CSMD1: variants seen among roughly 807,000 people sequenced by gnomAD.
CSMD1 encodes CUB and sushi domain-containing protein 1.
Under a neutral mutation model 417.5 loss-of-function variants are expected in CSMD1, and 213 were observed. That is an observed-to-expected ratio of 0.51 (90% CI 0.46 to 0.57). The LOEUF (loss-of-function observed/expected upper bound fraction) is 0.57. Among genes scored for constraint, CSMD1 ranks in the 20% least tolerant of loss-of-function variants. The probability of loss-of-function intolerance (pLI) is 0.00; values close to 1 mark genes in which losing one functional copy is unlikely to be tolerated. For synonymous variants in CSMD1, 2,862 were observed against 1,736.8 expected, an observed-to-expected ratio of 1.65 and a Z score of -16.11; for missense variants, 6,923 against 4,529.7, an observed-to-expected ratio of 1.53 and a Z score of -15.17.
chr8:2,960,341 C>T (rs575783128), intron 62 of CSMD1, among the ~76,000 whole-genome samples: 296 of 152,250 alleles, frequency 1.9e-3, no homozygotes, highest in Non-Finnish European at 3.5e-3. Flanking sequence ...TGTGTCCGAG[C>T]GAGAACAATG....
rs753420644 is a variant in CSMD1 at position 4,637,445 on chromosome 8, G to A, written c.199C>T (p.Arg67Cys). ...NCTWIIITGE[R>C]NRIQLSFHTF... ...TGGAAGGACAACTGTATCCTATTGC[G>A]CTCGCCCGTGATGATGATCCAGGTG... The change falls in exon 2 of 70, where the codon CGC (arginine) becomes TGC (cysteine). Residue 67 changes from arginine to cysteine, a missense_variant. Transcript: ENST00000635120. 2.0e-5 allele frequency: 32 copies of A among 1,613,560 alleles called. No homozygotes were observed. Among genetic ancestry groups the A allele is most frequent in the African/African-American group, 4.0e-5 (3 of 74,832 alleles).
intron 25 of CSMD1, among the ~76,000 whole-genome samples, chr8:3,302,779 T>C (rs12677703): frequency 0.038 from 5,752 of 152,292 alleles, 233 homozygotes; most frequent in Admixed American, 0.11. Context: ...TCATGCACTT[T>C]CTCACAGTTT....
chr8:4,944,772 G>C (rs924097947), intron 1 of CSMD1, among the ~76,000 whole-genome samples: 2 of 151,980 alleles, frequency 1.3e-5, no homozygotes, highest in East Asian at 1.9e-4. Context: ...GGATGTAAAG[G>C]GATGGCAAAC....
At chr8:4,092,816 T>C (rs544904916) in intron 3 of CSMD1, among the ~76,000 whole-genome samples, 2 of 152,322 alleles carry the variant, frequency 1.3e-5, no homozygotes, top group Admixed American at 1.3e-4. Context: ...CCAATATTTT[T>C]AATTTGTTTT....
chr8:4,676,214 T>C (rs1805671125), intron 1 of CSMD1, among the ~76,000 whole-genome samples: 1 of 152,204 alleles, frequency 6.6e-6, no homozygotes, highest in Non-Finnish European at 1.5e-5. Flanking sequence ...TTTGTGGTAC[T>C]TGGGATTGAA....
intron 54 of CSMD1, among the ~76,000 whole-genome samples, chr8:2,990,256 G>A (rs1024065825): frequency 5.9e-5 from 9 of 152,144 alleles, no homozygotes; most frequent in African/African-American, 1.9e-4. Context: ...CGCCATTCCG[G>A]TCCTCATAGT....
intron 3 of CSMD1, among the ~76,000 whole-genome samples, chr8:4,295,210 TTTTC>T (rs1367032030): frequency 0.016 from 596 of 36,128 alleles, 36 homozygotes; most frequent in Non-Finnish European, 0.032. Flanking sequence ...AATCTTAAGA[TTTTC>T]TATATAATCT....
intron 5 of CSMD1, among the ~76,000 whole-genome samples, chr8:3,964,927 G>A (rs932604446): frequency 1.3e-5 from 2 of 152,096 alleles, no homozygotes; most frequent in African/African-American, 4.8e-5. Flanking sequence ...TTAAATATTT[G>A]TCTTCATTTT....
intron 5 of CSMD1, among the ~76,000 whole-genome samples, chr8:3,997,325 CT>C (rs1040534549): frequency 1.3e-5 from 2 of 152,162 alleles, no homozygotes; most frequent in African/African-American, 4.8e-5. Flanking sequence ...TCTTGTTTTC[CT>C]TTGTCTCTAC....
chr8:4,114,708 G>C (rs10106149), intron 3 of CSMD1, among the ~76,000 whole-genome samples: 50,929 of 152,048 alleles, frequency 0.33, 8,876 homozygotes, highest in East Asian at 0.56. Flanking sequence ...ATTTCAAAAT[G>C]AATAGGAGTT....
At chr8:3,920,292 C>T (rs1227018368) in intron 5 of CSMD1, among the ~76,000 whole-genome samples, 3 of 152,016 alleles carry the variant, frequency 2.0e-5, no homozygotes, top group Non-Finnish European at 2.9e-5. Context: ...ACTTCAACCT[C>T]CCAAAGTGCT....
intron 6 of CSMD1, among the ~76,000 whole-genome samples, chr8:3,731,526 G>A (rs1050282455): frequency 3.3e-5 from 5 of 152,152 alleles, no homozygotes; most frequent in African/African-American, 1.2e-4. Context: ...TTGACCCAGT[G>A]CAGCCAGTAT....
chr8:4,681,922 T>C (rs1389170785), intron 1 of CSMD1, among the ~76,000 whole-genome samples: 1 of 152,218 alleles, frequency 6.6e-6, no homozygotes, highest in Non-Finnish European at 1.5e-5. Context: ...TCGTGCTTGG[T>C]CACTAGGAAG....
At chr8:4,070,013 T>C (rs1404338045) in intron 3 of CSMD1, among the ~76,000 whole-genome samples, 1 of 152,212 alleles carries the variant, frequency 6.6e-6, no homozygotes, top group African/African-American at 2.4e-5. Context: ...TCAATGTTCT[T>C]AAGAATTTTT....
intron 3 of CSMD1, among the ~76,000 whole-genome samples, chr8:4,134,203 G>T (rs1369018411): frequency 6.6e-6 from 1 of 152,152 alleles, no homozygotes; most frequent in Non-Finnish European, 1.5e-5. Context: ...GAAAGTCACT[G>T]TCCTTACACG....
At chr8:3,562,417 A>ACACGTACACACATGCATAC (rs1554470709) in intron 10 of CSMD1, among the ~76,000 whole-genome samples, 2 of 145,446 alleles carry the variant, frequency 1.4e-5, no homozygotes, top group East Asian at 2.0e-4. Context: ...CACATGCACA[A>ACACGTACACACATGCATAC]ACACACATGC....
At chr8:3,470,569 C>T (rs759637416) in intron 11 of CSMD1, among the ~76,000 whole-genome samples, 5 of 152,018 alleles carry the variant, frequency 3.3e-5, no homozygotes, top group Non-Finnish European at 5.9e-5. Flanking sequence ...TGCACAAATA[C>T]GTCACATGTC....
intron 1 of CSMD1, among the ~76,000 whole-genome samples, chr8:4,741,710 T>C (rs1426442902): frequency 1.3e-5 from 2 of 152,116 alleles, no homozygotes; most frequent in African/African-American, 4.8e-5. Flanking sequence ...TACTCCAGGT[T>C]CCCACATCCC....
chr8:4,417,875 G>A (rs564666130), intron 3 of CSMD1, among the ~76,000 whole-genome samples: 1 of 151,958 alleles, frequency 6.6e-6, no homozygotes, highest in East Asian at 1.9e-4. Context: ...ACATTTCCTT[G>A]GAAAGTAATA....
Sources: gnomAD v4.1 joint callset for allele counts (sites outside exome capture counted in the v4.1 genomes callset) on GRCh38, gnomAD v4.1.1 for gene constraint, MANE v1.5 for transcripts, NCBI Gene and HGNC (gene_info 2026-07-23, HGNC 2026-07-21) for gene names.